ANK2: variants seen among roughly 807,000 people sequenced by gnomAD.
ANK2 encodes ankyrin 2.
ANK2 carries 83 observed loss-of-function variants against 360.5 expected under a neutral mutation model. The ratio of observed to expected loss-of-function variants is 0.23; its 90% CI spans 0.19 to 0.28. The LOEUF (loss-of-function observed/expected upper bound fraction) is 0.28. Among genes scored for constraint, ANK2 ranks in the 10% least tolerant of loss-of-function variants. The probability of loss-of-function intolerance (pLI) is 1.00; values close to 1 mark genes in which losing one functional copy is unlikely to be tolerated. For synonymous variants in ANK2, 1,740 were observed against 1,759.5 expected (o/e 0.99, Z 0.28); for missense variants, 4,201 against 4,795.7 (o/e 0.88, Z 3.66).
intron 8 of ANK2, among the ~76,000 whole-genome samples, chr4:113,240,829 C>G (rs2039401900): frequency 6.6e-6 from 1 of 152,132 alleles, no homozygotes; most frequent in Admixed American, 6.5e-5. Context: ...GACATTCATT[C>G]TGACCAGTAT....
At chr4:112,796,020 C>G in the ANK2 span, among the ~76,000 whole-genome samples, 160 of 150,660 alleles carry the variant, frequency 1.1e-3, no homozygotes, top group African/African-American at 3.9e-3. Flanking sequence ...GGCTGGTCTC[C>G]AACTCCTGGA....
At chr4:113,317,832 G>A in intron 25 of ANK2, 23 bp downstream of exon 25, 1 of 1,582,930 alleles carries the variant, frequency 6.3e-7, no homozygotes, top group Non-Finnish European at 8.7e-7. Flanking sequence ...TTGCCTTCAT[G>A]TCTTTGCTTT....
At chr4:112,820,691 T>C (rs889365997) in intron 1 of ANK2, among the ~76,000 whole-genome samples, 5 of 152,182 alleles carry the variant, frequency 3.3e-5, no homozygotes, top group African/African-American at 7.2e-5. Context: ...TACCTTAGCC[T>C]CCCAAGTAGC....
Position 113,237,086 on chromosome 4 carries a change from G to A in ANK2, c.583G>A (p.Ala195Thr), listed in dbSNP as rs1341139969. The change falls in exon 6 of 46, where the codon GCT (alanine) becomes ACT (threonine). Residue 195 changes from alanine to threonine, a missense_variant. Transcript: ENST00000357077. ...NDTKGKVRLP[A>T]LHIAARKDDT... is the part of the protein sequence containing the mutation. The stretch of plus-strand genomic sequence containing the variant: ...CACCAAAGGGAAAGTGAGGCTGCCA[G>A]CTCTGCATATTGCCGCTAGGAAAGA... 6.2e-7 allele frequency: 1 copy of A among 1,614,090 alleles called. No homozygotes were observed. Among genetic ancestry groups the A allele is most frequent in the Non-Finnish European group, 8.5e-7 (1 of 1,180,028 alleles).
At chr4:113,064,027 T>C (rs2074624759) in intron 1 of ANK2, among the ~76,000 whole-genome samples, 1 of 152,120 alleles carries the variant, frequency 6.6e-6, no homozygotes, top group South Asian at 2.1e-4. Flanking sequence ...AAAAGACATT[T>C]TTTTGTTGTT....
chr4:112,858,784 C>T (rs757725113), intron 1 of ANK2, among the ~76,000 whole-genome samples: 2 of 152,186 alleles, frequency 1.3e-5, no homozygotes, highest in Non-Finnish European at 2.9e-5. Flanking sequence ...GGTAGGTAAT[C>T]CTTTTTTCTT....
chr4:113,375,737 G>A (rs532043909), intron 45 of ANK2, among the ~76,000 whole-genome samples: 26 of 147,730 alleles, frequency 1.8e-4, no homozygotes, highest in African/African-American at 5.5e-4. Context: ...AAAAAAAAAA[G>A]AAAAAAAAGA....
Position 113,341,769 on chromosome 4 carries a change from T to A in ANK2, c.3975T>A (p.Pro1325=). The A allele has an allele frequency of 6.2e-7, 1 of 1,614,150 alleles. No homozygotes were observed. The highest frequency in any genetic ancestry group is 8.5e-7 in the Non-Finnish European group (1 of 1,180,022). ...TATACAGAGAAATTATCTGCGTACC[T>A]TATATGGCCAAATTTGTAGTGTTTG... is the stretch of plus-strand genomic sequence containing the variant. ...SQVYREIICV[P]YMAKFVVFAK... is the part of the protein sequence containing the mutation. The change falls in exon 33 of 46, where the codon CCT becomes CCA. Residue 1325 remains proline (P), a synonymous_variant. Coordinates refer to ENST00000357077, the MANE Select transcript of ANK2 (RefSeq NM_001148.6).
intron 2 of ANK2, among the ~76,000 whole-genome samples, chr4:113,002,568 G>T (rs894241891): frequency 6.6e-6 from 1 of 152,094 alleles, no homozygotes; most frequent in Non-Finnish European, 1.5e-5. Context: ...GTTGTGGGGT[G>T]GGGGGAGAGG....
At chr4:112,825,575 T>C (rs77182244) in intron 1 of ANK2, among the ~76,000 whole-genome samples, 2,654 of 152,262 alleles carry the variant, frequency 0.017, 88 homozygotes, top group African/African-American at 0.058. Context: ...AAAGCAACTG[T>C]TGTAGGGGAG....
At chr4:113,270,817 A>G (rs2058218876) in intron 14 of ANK2, among the ~76,000 whole-genome samples, 1 of 152,218 alleles carries the variant, frequency 6.6e-6, no homozygotes, top group African/African-American at 2.4e-5. Context: ...TTATGTTTCA[A>G]GCAGCAAGAA....
chr4:113,204,631 A>G (rs1400651925), intron 4 of ANK2, among the ~76,000 whole-genome samples: 1 of 152,210 alleles, frequency 6.6e-6, no homozygotes, highest in African/African-American at 2.4e-5. Context: ...TAGGAAAACC[A>G]AAGTCTCATA....
At chr4:112,934,179 GA>G (rs1423967456) in intron 2 of ANK2, among the ~76,000 whole-genome samples, 3 of 152,216 alleles carry the variant, frequency 2.0e-5, no homozygotes, top group Non-Finnish European at 4.4e-5. Flanking sequence ...TTTGGAATCA[GA>G]ATTTGGAAGA....
intron 1 of ANK2, among the ~76,000 whole-genome samples, chr4:112,870,621 A>G (rs529491005): frequency 6.6e-6 from 1 of 152,368 alleles, no homozygotes; most frequent in African/African-American, 2.4e-5. Context: ...GACCATAGAC[A>G]CATGAGTTTA....
chr4:112,881,698 G>A (rs1157985834), intron 1 of ANK2: 4 of 500,004 alleles, frequency 8.0e-6, no homozygotes, highest in East Asian at 3.3e-5. Flanking sequence ...CACAGTTCTC[G>A]AGTTTTTTGC....
upstream of ANK2, among the ~76,000 whole-genome samples, chr4:113,045,985 G>A (rs1375215261): frequency 6.6e-6 from 1 of 152,124 alleles, no homozygotes; most frequent in East Asian, 1.9e-4. Context: ...GCTTTATGTG[G>A]CATGCCAAGA....
chr4:112,715,417 G>A, the ANK2 span, among the ~76,000 whole-genome samples: 1 of 152,280 alleles, frequency 6.6e-6, no homozygotes, highest in Non-Finnish European at 1.5e-5. Context: ...TAGCATGTGG[G>A]AGGGATATTG....
intron 37 of ANK2, among the ~76,000 whole-genome samples, chr4:113,352,696 A>G (rs1282209146): frequency 6.7e-6 from 1 of 149,620 alleles, no homozygotes; most frequent in Non-Finnish European, 1.5e-5. Context: ...ATCTTGAGAT[A>G]CCTCTGTGTA....
At chr4:112,969,096 G>A (rs2038463854) in intron 2 of ANK2, among the ~76,000 whole-genome samples, 1 of 152,184 alleles carries the variant, frequency 6.6e-6, no homozygotes, top group African/African-American at 2.4e-5. Context: ...ATATTCTACT[G>A]ATGAGAACAC....
Sources: allele counts gnomAD v4.1 joint callset (sites outside exome capture counted in the v4.1 genomes callset), GRCh38; gene constraint gnomAD v4.1.1; transcripts MANE v1.5; gene names NCBI Gene and HGNC (gene_info 2026-07-23, HGNC 2026-07-21).